The following C8orf33 variants were observed in gnomAD, a reference collection of about 807,000 sequenced individuals.
C8orf33 encodes the protein chromosome 8 open reading frame 33.
A neutral mutation model predicts 25.7 loss-of-function variants in C8orf33; 28 were observed. The observed-to-expected ratio is 1.09, with a 90% CI of 0.81 to 1.49. The LOEUF is 1.49. Among genes scored for constraint, C8orf33 ranks in the 40% most tolerant of loss-of-function variants. The pLI is 0.00. For synonymous variants in C8orf33, 153 were observed against 115.9 expected (o/e 1.32, Z -2.06); for missense variants, 369 against 294.4 (o/e 1.25, Z -1.85).
chr8:145,054,323 A>G lies in C8orf33; in HGVS notation c.*166A>G. ...TTGTGAAGGTGTGAGACCATCAGAT[A>G]GGCAAAAGACCCCGTTCGTTTTCTG... On this transcript the variant is annotated 3_prime_UTR_variant, in exon 5 of 5. Transcript: ENST00000331434. The G allele has an allele frequency of 1.5e-6, 1 of 663,588 alleles. No homozygotes were observed. Among genetic ancestry groups the G allele is most frequent in the Non-Finnish European group, 2.5e-6 (1 of 404,370 alleles). The allele number at this position is 663,588 out of a possible 1,614,324, so 41.1% of individuals were successfully genotyped here. A position where few individuals can be genotyped will look rare whatever the true frequency, so the allele number is the denominator to read the frequency against.
At position 145,054,094 on chromosome 8, in the gene C8orf33, T is replaced by G. The variant is rs150773218; in HGVS notation, c.627T>G (p.Ser209=). The G allele has an allele frequency of 1.0e-3, 1,641 of 1,614,200 alleles. 24 individuals are homozygous for G. Among genetic ancestry groups the G allele is most frequent in the African/African-American group, 1.4e-3 (102 of 75,048 alleles). ...GCCAAAGGGTCTGCAGGCCTCGCTC[T>G]ATATGGAGAGCCAAAGCCACTCTGG... ...KKSQRVCRPR[S]IWRAKATLDM... The change falls in exon 5 of 5, where the codon TCT becomes TCG. Residue 209 remains serine, a synonymous_variant. Transcript: ENST00000331434.
In C8orf33 at chr8:145,052,474, C is replaced by T. The variant is rs533045040; in HGVS notation, c.-18C>T. The stretch of plus-strand genomic sequence containing the variant: ...TCGGACTCTGCGCCCCGCGTAGTTC[C>T]GGTGGCGACTGCGGCGCATGGCGGT... On this transcript the variant is annotated 5_prime_UTR_variant, in exon 1 of 5. Coordinates refer to ENST00000331434, the MANE Select transcript of C8orf33 (RefSeq NM_023080.3). The T allele has an allele frequency of 4.4e-6, 7 of 1,597,710 alleles. No homozygotes were observed. The South Asian group carries it at 6.6e-5, about 15-fold the overall frequency.
At position 145,055,135 on chromosome 8, in the gene C8orf33, C is replaced by T. The variant is rs550051662; in HGVS notation, c.*978C>T. 4.5e-4 allele frequency: 69 copies of T among 152,174 alleles called. No individual in the cohort carries two copies. The highest frequency in any genetic ancestry group is 1.6e-3 in the African/African-American group (68 of 41,498). 9.4% of individuals were successfully genotyped at this position (152,174 alleles called of 1,614,324 possible). ...ATGGCATGACTGCCTATGTGGGTGGCAAGCCACCCAGGTGCCGAGGAAAGA... is the reference window on the plus strand; with the variant it reads ...ATGGCATGACTGCCTATGTGGGTGGTAAGCCACCCAGGTGCCGAGGAAAGA... On this transcript the variant is annotated 3_prime_UTR_variant, in exon 5 of 5. Coordinates refer to ENST00000331434, the MANE Select transcript of C8orf33 (RefSeq NM_023080.3).
chr8:145,053,063 C>G lies in C8orf33; in HGVS notation c.320C>G (p.Ala107Gly), dbSNP rs1445454256. The G allele has an allele frequency of 6.2e-7, 1 of 1,614,138 alleles. No homozygotes were observed. The highest frequency in any genetic ancestry group is 8.5e-7 in the Non-Finnish European group (1 of 1,180,028). ...EEVPLSAEAQ[A>G]QQLAQELAWC... is the part of the protein sequence containing the mutation. ...GCCACTTCCCCAAATCCATCACAGG[C>G]ACAACAGTTGGCCCAGGAATTGGCT... The change falls in exon 3 of 5, where the codon GCA (alanine) becomes GGA (glycine). Residue 107 changes from alanine (A) to glycine (G), a missense_variant and splice_region_variant. By Grantham distance (60) the Ala-to-Gly change is moderately conservative. Transcript: ENST00000331434.
Position 145,054,214 on chromosome 8 carries a change from T to C in C8orf33, c.*57T>C, listed in dbSNP as rs1280183552. 3.8e-6 allele frequency: 6 copies of C among 1,586,042 alleles called. No individual in the cohort carries two copies. Among genetic ancestry groups the C allele is most frequent in the East Asian group, 2.2e-5 (1 of 44,642 alleles). Reference sequence around the variant, plus strand: ...CTTGGGGTGGTGTAGGGGTTTGTTTTGAGTGCAGAGCCTTTCCAGGACTTC... The same window carrying C: ...CTTGGGGTGGTGTAGGGGTTTGTTTCGAGTGCAGAGCCTTTCCAGGACTTC... On this transcript the variant is annotated 3_prime_UTR_variant, in exon 5 of 5. Coordinates refer to ENST00000331434, the MANE Select transcript of C8orf33 (RefSeq NM_023080.3).
At position 145,053,097 on chromosome 8, in the gene C8orf33, G is replaced by A; in HGVS notation, c.354G>A (p.Val118=). The change falls in exon 3 of 5, where the codon GTG becomes GTA. Residue 118 remains valine, a synonymous_variant. Transcript: ENST00000331434. The part of the protein sequence containing the change: ...QQLAQELAWC[V]EQLELGLKRQ... Reference sequence around the variant, plus strand: ...TGGCCCAGGAATTGGCTTGGTGTGTGGAGCAACTGGAGCTGGGCCTCAAGA... The same window carrying A: ...TGGCCCAGGAATTGGCTTGGTGTGTAGAGCAACTGGAGCTGGGCCTCAAGA... The A allele has an allele frequency of 6.2e-7, 1 of 1,614,194 alleles. No homozygotes were observed. Among genetic ancestry groups the A allele is most frequent in the Non-Finnish European group, 8.5e-7 (1 of 1,180,032 alleles).
intron 4 of C8orf33, 190 bp downstream of exon 4, chr8:145,053,633 C>A: frequency 1.6e-6 from 1 of 641,756 alleles, no homozygotes; most frequent in Non-Finnish European, 2.6e-6. Context: ...ACCTGGGAAG[C>A]AGCGGGGAGG....
In C8orf33 at chr8:145,052,886, G is replaced by C. The variant is rs761182246; in HGVS notation, c.307G>C (p.Ala103Pro). The change falls in exon 2 of 5, where the codon GCT becomes CCT. Residue 103 changes from alanine (A) to proline (P), a missense_variant. Physicochemically the swap from Ala to Pro is conservative, Grantham distance 27. Transcript: ENST00000331434. ...KLAPEEVPLS[A>P]EAQAQQLAQE... ...CGCCCCAGAAGAAGTTCCCCTAAGC[G>C]CTGAGGCCCAGGCAAGGGCGGGCTT... is the stretch of plus-strand genomic sequence containing the variant. 1 of 1,612,182 alleles carries C rather than the reference G, an allele frequency of 6.2e-7. No individual in the cohort carries two copies. Among genetic ancestry groups the C allele is most frequent in the Non-Finnish European group, 8.5e-7 (1 of 1,179,278 alleles).
In C8orf33 at chr8:145,054,399, T is replaced by G; in HGVS notation, c.*242T>G. ...GAGAGAGAGGTGCATTTAGAAAATA[T>G]GCAATAAATTGAAGTGAGTGTTCAA... On this transcript the variant is annotated 3_prime_UTR_variant, in exon 5 of 5. Transcript: ENST00000331434. 1 of 429,610 alleles carries G rather than the reference T, an allele frequency of 2.3e-6. No individual in the cohort carries two copies. The highest frequency in any genetic ancestry group is 4.2e-6 in the Non-Finnish European group (1 of 238,758). The allele number at this position is 429,610 out of a possible 1,614,324, so 26.6% of individuals were successfully genotyped here. A position where few individuals can be genotyped will look rare whatever the true frequency, so the allele number is the denominator to read the frequency against.
chr8:145,053,208 C>G (rs1001192765), intron 3 of C8orf33, 62 bp downstream of exon 3: 1 of 1,612,684 alleles, frequency 6.2e-7, no homozygotes, highest in African/African-American at 1.3e-5. Context: ...CCTGCAGGTG[C>G]TGGCAGAGTA....
chr8:145,052,605 G>A lies in C8orf33; in HGVS notation c.26G>A (p.Gly9Glu). The change falls in exon 2 of 5, where the codon GGG becomes GAG. Residue 9 changes from glycine (G) to glutamate (E), a missense_variant. Coordinates refer to ENST00000331434, the MANE Select transcript of C8orf33 (RefSeq NM_023080.3). ...CTCCAGGCCCTGGGACATCTTGCTG[G>A]GGAGGCAGCGGCGGCCCCAGGCCCG... The part of the protein sequence containing the change: MAALGHLA[G>E]EAAAAPGPGT... 4 of 1,607,958 alleles carry A rather than the reference G, an allele frequency of 2.5e-6. No homozygotes were observed. The highest frequency in any genetic ancestry group is 1.3e-5 in the African/African-American group (1 of 74,998).
At chr8:145,052,524 G>T (rs1299277673) in intron 1 of C8orf33, 27 bp downstream of exon 1, 2 of 1,600,390 alleles carry the variant, frequency 1.2e-6, no homozygotes, top group South Asian at 2.2e-5. Flanking sequence ...AGACGCGCGG[G>T]TGGCTGGGCC....
At position 145,055,309 on chromosome 8, in the gene C8orf33, C is replaced by T. The variant is rs933452389; in HGVS notation, c.*1152C>T. The T allele has an allele frequency of 1.3e-5, 2 of 152,166 alleles. No homozygotes were observed. Among genetic ancestry groups the T allele is most frequent in the Non-Finnish European group, 2.9e-5 (2 of 68,058 alleles). 9.4% of individuals were successfully genotyped at this position (152,166 alleles called of 1,614,324 possible). On this transcript the variant is annotated 3_prime_UTR_variant, in exon 5 of 5. Transcript: ENST00000331434. Reference sequence around the variant, plus strand: ...TTTATTCCAATATTATAATAATCCTCACTCTACAATCATAACCTAGGAAAA... The same window carrying T: ...TTTATTCCAATATTATAATAATCCTTACTCTACAATCATAACCTAGGAAAA...
intron 4 of C8orf33, 89 bp from the exon 5 acceptor site, chr8:145,053,929 G>T (rs1835317698): frequency 2.8e-6 from 4 of 1,433,940 alleles, no homozygotes; most frequent in Non-Finnish European, 2.8e-6. Context: ...TATGCAAGGT[G>T]GTTAGAATTG....
In C8orf33 at chr8:145,052,575, C is replaced by A. The variant is rs201350395; in HGVS notation, c.7-11C>A. On this transcript the variant is annotated splice_polypyrimidine_tract_variant and intron_variant, in intron 1 of 4. Transcript: ENST00000331434. ...CTCTCGGTGACCCTCGTGCTACCCC[C>A]CTTTCTCCAGGCCCTGGGACATCTT... is the stretch of plus-strand genomic sequence containing the variant. 3 of 1,603,130 alleles carry A rather than the reference C, an allele frequency of 1.9e-6. No homozygotes were observed. The highest frequency in any genetic ancestry group is 2.5e-6 in the Non-Finnish European group (3 of 1,179,438).
intron 4 of C8orf33, 25 bp from the exon 5 acceptor site, chr8:145,053,993 C>T: frequency 6.2e-7 from 1 of 1,611,474 alleles, no homozygotes; most frequent in African/African-American, 1.3e-5. Context: ...TCAGTTCTGA[C>T]ATACGCTGCT....
chr8:145,053,833 A>T, intron 4 of C8orf33, 185 bp from the exon 5 acceptor site: 2 of 740,286 alleles, frequency 2.7e-6, no homozygotes, highest in Non-Finnish European at 4.4e-6. Flanking sequence ...AGTAGTACTA[A>T]CACCTTTTGC....
rs761182246 is a variant in C8orf33 at position 145,052,886 on chromosome 8, G to A, written c.307G>A (p.Ala103Thr). Residue 103 changes from alanine (A) to threonine (T), a missense_variant, in exon 2 of 5, where the codon GCT becomes ACT. Coordinates refer to ENST00000331434, the MANE Select transcript of C8orf33 (RefSeq NM_023080.3). ...KLAPEEVPLS[A>T]EAQAQQLAQE... is the part of the protein sequence containing the mutation. The stretch of plus-strand genomic sequence containing the variant: ...CGCCCCAGAAGAAGTTCCCCTAAGC[G>A]CTGAGGCCCAGGCAAGGGCGGGCTT... The A allele has an allele frequency of 1.2e-6, 2 of 1,612,300 alleles. No homozygotes were observed. The highest frequency in any genetic ancestry group is 2.2e-5 in the South Asian group (2 of 90,978).
At position 145,052,822 on chromosome 8, in the gene C8orf33, C is replaced by T. The variant is rs750258763; in HGVS notation, c.243C>T (p.Ala81=). The change falls in exon 2 of 5, where the codon GCC becomes GCT. Residue 81 remains alanine, a synonymous_variant. Coordinates refer to ENST00000331434, the MANE Select transcript of C8orf33 (RefSeq NM_023080.3). ...ATAAGAAGAAAACGCGGAACAGGGCCTCTGTGGCAAATGGAGGCGAGAAGG... is the reference window on the plus strand; with the variant it reads ...ATAAGAAGAAAACGCGGAACAGGGCTTCTGTGGCAAATGGAGGCGAGAAGG... The part of the protein sequence containing the change: ...QKNKKKTRNR[A]SVANGGEKAS... 1.9e-6 allele frequency: 3 copies of T among 1,614,052 alleles called. No homozygotes were observed. The highest frequency in any genetic ancestry group is 3.3e-5 in the Admixed American group (2 of 60,030).
Sources: allele counts gnomAD v4.1 joint callset, GRCh38; gene constraint gnomAD v4.1.1; transcripts MANE v1.5; gene names NCBI Gene and HGNC (gene_info 2026-07-23, HGNC 2026-07-21).